Variants in UTRN observed in about 807,000 individuals in gnomAD.
UTRN encodes the protein dystrophin-related protein 1.
In UTRN, 283 loss-of-function variants were observed where a neutral mutation model predicts 463.9. That is an observed-to-expected ratio of 0.61 (90% CI 0.55 to 0.67). UTRN has a LOEUF of 0.67. Ranked by LOEUF, UTRN falls within the 30% of genes least tolerant of loss-of-function variation. UTRN has a pLI of 0.00. For synonymous variants in UTRN, 1,442 were observed against 1,431.5 expected, an observed-to-expected ratio of 1.01 and a Z score of -0.17; for missense variants, 3,922 against 4,084.3, an observed-to-expected ratio of 0.96 and a Z score of 1.08.
At chr6:144,567,160 G>C (rs1800483193) in intron 50 of UTRN, among the ~76,000 whole-genome samples, 1 of 152,050 alleles carries the variant, frequency 6.6e-6, no homozygotes, top group Non-Finnish European at 1.5e-5. Flanking sequence ...CAAAAAGTTT[G>C]CAGGAGAAAT....
chr6:144,645,189 C>A (rs980629057), intron 51 of UTRN, among the ~76,000 whole-genome samples: 1 of 152,082 alleles, frequency 6.6e-6, no homozygotes, highest in African/African-American at 2.4e-5. Flanking sequence ...TTTGTAAAGT[C>A]CTGGAGGTAT....
chr6:144,286,782 G>A lies in UTRN; in HGVS notation c.-93+961G>A, dbSNP rs923333116. ...AAAACGTTGCCCGACCTCCGAGAGA[G>A]CTGTGGGACCAGCACTTTATTTTAC... On this transcript the variant is annotated intron_variant, in intron 1 of 74. Coordinates refer to ENST00000367545, the MANE Select transcript of UTRN (RefSeq NM_007124.3). This position sits in a 1 kb window ranked among gnomAD's most constrained non-coding sequence, Gnocchi z 4.4. 1.3e-5 allele frequency among the ~76,000 whole-genome samples: 2 copies of A among 152,088 alleles called. No individual in the cohort carries two copies. The highest frequency in any genetic ancestry group is 2.4e-5 in the African/African-American group (1 of 41,392).
At chr6:144,490,633 T>G (rs1469639481) in intron 31 of UTRN, among the ~76,000 whole-genome samples, 2 of 152,236 alleles carry the variant, frequency 1.3e-5, no homozygotes, top group African/African-American at 4.8e-5. Flanking sequence ...ACTATCTTTT[T>G]GAACATGAAG....
chr6:144,609,690 A>G (rs1168560062), intron 51 of UTRN, among the ~76,000 whole-genome samples: 1 of 152,190 alleles, frequency 6.6e-6, no homozygotes, highest in East Asian at 1.9e-4. Context: ...CACAAAACAA[A>G]CCTTAGCAAA....
At chr6:144,545,881 G>T (rs750644498) in intron 46 of UTRN, among the ~76,000 whole-genome samples, 2 of 152,128 alleles carry the variant, frequency 1.3e-5, no homozygotes, top group Non-Finnish European at 2.9e-5. Flanking sequence ...TTAGCTGGGC[G>T]TGGTGGCGGG....
intron 64 of UTRN, among the ~76,000 whole-genome samples, chr6:144,798,561 A>C (rs1777432798): frequency 6.6e-6 from 1 of 152,214 alleles, no homozygotes; most frequent in South Asian, 2.1e-4. Context: ...GTTTGTCCTA[A>C]GGTGGACATT....
At chr6:144,596,577 A>G (rs182302016) in intron 51 of UTRN, among the ~76,000 whole-genome samples, 105 of 152,270 alleles carry the variant, frequency 6.9e-4, no homozygotes, top group African/African-American at 2.4e-3. Context: ...TATGTTTCTA[A>G]TTTGGACTAT....
At chr6:144,453,714 A>G in intron 18 of UTRN, 68 bp from the exon 19 acceptor site, 3 of 1,423,594 alleles carry the variant, frequency 2.1e-6, no homozygotes, top group Non-Finnish European at 2.9e-6. Context: ...CAACTTAAAC[A>G]TTTAAAACAG....
chr6:144,582,286 C>A (rs1178456346), intron 51 of UTRN, among the ~76,000 whole-genome samples: 1 of 152,082 alleles, frequency 6.6e-6, no homozygotes, highest in African/African-American at 2.4e-5. Flanking sequence ...AGCATTAGCC[C>A]GGTTACCAGT....
intron 50 of UTRN, among the ~76,000 whole-genome samples, chr6:144,576,807 A>T (rs909335769): frequency 6.6e-6 from 1 of 152,190 alleles, no homozygotes; most frequent in African/African-American, 2.4e-5. Context: ...ATGGGGGAAT[A>T]ATTTAACTTA....
At chr6:144,835,741 A>G (rs369132452) in intron 69 of UTRN, 39 bp from the exon 70 acceptor site, 1 of 1,611,336 alleles carries the variant, frequency 6.2e-7, no homozygotes, top group Non-Finnish European at 8.5e-7. Context: ...ATCACCATCC[A>G]GATGTGAGCC....
At chr6:144,688,216 C>T (rs1782948943) in intron 52 of UTRN, among the ~76,000 whole-genome samples, 1 of 152,056 alleles carries the variant, frequency 6.6e-6, no homozygotes, top group Non-Finnish European at 1.5e-5. Context: ...ATTCCATTTC[C>T]AGAAGTTCTG....
chr6:144,567,069 C>T (rs748844332), intron 50 of UTRN, among the ~76,000 whole-genome samples: 1 of 152,230 alleles, frequency 6.6e-6, no homozygotes, highest in East Asian at 1.9e-4. Flanking sequence ...TTCGATTGAG[C>T]CTAGGAGGTG....
chr6:144,302,300 C>T (rs1443968784), intron 2 of UTRN, among the ~76,000 whole-genome samples: 1 of 152,038 alleles, frequency 6.6e-6, no homozygotes, highest in Non-Finnish European at 1.5e-5. Context: ...CATCTGAGGT[C>T]AGGAGTTCGA....
At chr6:144,690,095 TTGTGTGTGTGTGTG>T (rs1554339292) in intron 52 of UTRN, among the ~76,000 whole-genome samples, 3 of 33,450 alleles carry the variant, frequency 9.0e-5, no homozygotes, top group Admixed American at 6.8e-4. Flanking sequence ...TTTTTTTTTT[TTGTGTGTGTGTGTG>T]TGTGTGTGTG....
chr6:144,774,631 G>A (rs1775154655), intron 60 of UTRN, among the ~76,000 whole-genome samples: 1 of 152,092 alleles, frequency 6.6e-6, no homozygotes, highest in African/African-American at 2.4e-5. Context: ...AAATTGTGCT[G>A]CCACCCAATT....
At chr6:144,516,694 A>G in intron 38 of UTRN, 117 bp from the exon 39 acceptor site, 1 of 814,920 alleles carries the variant, frequency 1.2e-6, no homozygotes, top group Non-Finnish European at 1.7e-6. Context: ...CGTTCAGGTT[A>G]ACATATCTTG....
chr6:144,381,328 C>G (rs1245173994), intron 2 of UTRN, among the ~76,000 whole-genome samples: 2 of 152,174 alleles, frequency 1.3e-5, no homozygotes, highest in African/African-American at 4.8e-5. Context: ...CAGCTCCATC[C>G]ATGTCCCTGC....
At chr6:144,800,038 A>G (rs1777574265) in intron 64 of UTRN, among the ~76,000 whole-genome samples, 1 of 152,238 alleles carries the variant, frequency 6.6e-6, no homozygotes, top group Middle Eastern at 3.2e-3. Context: ...AAAGATCCAG[A>G]TTAATTGACT....
Sources: gnomAD v4.1 joint callset for allele counts (sites outside exome capture counted in the v4.1 genomes callset) on GRCh38, gnomAD v4.1.1 for gene constraint, Gnocchi (gnomAD v3.1) non-coding constraint, MANE v1.5 for transcripts, NCBI Gene and HGNC (gene_info 2026-07-23, HGNC 2026-07-21) for gene names.